Variants in SIRT4 observed in about 807,000 individuals in gnomAD.
SIRT4 encodes NAD-dependent protein lipoamidase sirtuin-4, mitochondrial.
Under a neutral mutation model 26.1 loss-of-function variants are expected in SIRT4, and 23 were observed. That is an observed-to-expected ratio of 0.88 (90% confidence interval 0.63 to 1.25). The LOEUF (loss-of-function observed/expected upper bound fraction) is 1.25, where lower values mean the gene tolerates loss of function less well. Ranked by LOEUF, SIRT4 falls within the 50% of genes most tolerant of loss-of-function variation. The pLI, the probability that SIRT4 is intolerant of heterozygous loss-of-function variation, is 0.00. For synonymous variants in SIRT4, 155 were observed against 158.4 expected (o/e 0.98, Z 0.16); for missense variants, 361 against 405.4 (o/e 0.89, Z 0.94).
the SIRT4 span, among the ~76,000 whole-genome samples, chr12:120,294,227 C>T: frequency 6.6e-6 from 1 of 151,808 alleles, no homozygotes; most frequent in Non-Finnish European, 1.5e-5. Flanking sequence ...CTCCTGACCT[C>T]ACGTGATCTG....
intron 2 of SIRT4, among the ~76,000 whole-genome samples, chr12:120,304,751 A>T: frequency 6.7e-6 from 1 of 149,566 alleles, no homozygotes; most frequent in Middle Eastern, 3.2e-3. Flanking sequence ...ACAGTTCAGG[A>T]CCAACCTGGC....
chr12:120,298,402 G>C (rs777715445), upstream of SIRT4, among the ~76,000 whole-genome samples: 1 of 151,844 alleles, frequency 6.6e-6, no homozygotes, highest in African/African-American at 2.4e-5. Context: ...AGACCAGCCT[G>C]GGCAACATGG....
chr12:120,292,952 C>G, the SIRT4 span: 1 of 152,170 alleles, frequency 6.6e-6, no homozygotes, highest in African/African-American at 2.4e-5. Context: ...GGTAAACTTG[C>G]AGGTGCTCTC....
Position 120,303,716 on chromosome 12 carries a change from C to G in SIRT4, c.155C>G (p.Thr52Ser). 1 of 1,614,140 alleles carries G rather than the reference C, an allele frequency of 6.2e-7. No individual in the cohort carries two copies. Among genetic ancestry groups the G allele is most frequent in the Non-Finnish European group, 8.5e-7 (1 of 1,180,032 alleles). The change falls in exon 2 of 4, where the codon ACC (threonine) becomes AGC (serine). Residue 52 changes from threonine to serine, a missense_variant. Transcript: ENST00000202967. ...GTCAAAGAGTTACAGCGCTTCATCA[C>G]CCTTTCCAAGAGACTCCTTGTGATG... ...EKVKELQRFI[T>S]LSKRLLVMTG...
At position 120,311,735 on chromosome 12, in the gene SIRT4, C is replaced by CAAAAAAA. The variant is rs10612543; in HGVS notation, c.498-698_498-692dup. Among the ~76,000 whole-genome samples the CAAAAAAA allele has an allele frequency of 6.0e-4, 33 of 55,108 alleles. 1 individual carries two copies. The highest frequency in any genetic ancestry group is 0.017 in the Middle Eastern group (1 of 60). 36.2% of individuals were successfully genotyped at this position (55,108 alleles called of 152,430 possible). A position where few individuals can be genotyped will look rare whatever the true frequency, so the allele number is the denominator to read the frequency against. On this transcript the variant is annotated intron_variant, in intron 2 of 3. Transcript: ENST00000202967. Reference sequence around the variant, plus strand: ...GGGCAATGAGAGTGAAACTTGCTCTCAAAAAAAAAAAAAAAAAAAAAAAAA... The same window carrying CAAAAAAA: ...GGGCAATGAGAGTGAAACTTGCTCTCAAAAAAAAAAAAAAAAAAAAAAAAAAAAAAAA...
the SIRT4 span, among the ~76,000 whole-genome samples, chr12:120,292,652 G>A: frequency 6.6e-6 from 1 of 151,192 alleles, no homozygotes; most frequent in African/African-American, 2.4e-5. Context: ...GGCAAGAAAA[G>A]TCAACACCGC....
Position 120,303,752 on chromosome 12 carries a change from G to GA in SIRT4, c.193dup (p.Ile65AsnfsTer22). On this transcript the variant is annotated frameshift_variant, in exon 2 of 4. Coordinates refer to ENST00000202967, the MANE Select transcript of SIRT4 (RefSeq NM_012240.3). LOFTEE classifies it high-confidence loss of function. The stretch of plus-strand genomic sequence containing the variant: ...AGACTCCTTGTGATGACTGGGGCAG[G>GA]AATCTCCACCGAATCGGGGATACCA... The GA allele has an allele frequency of 6.2e-7, 1 of 1,614,110 alleles. No individual in the cohort carries two copies. The highest frequency in any genetic ancestry group is 8.5e-7 in the Non-Finnish European group (1 of 1,180,024).
At chr12:120,295,554 G>A in the SIRT4 span, among the ~76,000 whole-genome samples, 51 of 150,768 alleles carry the variant, frequency 3.4e-4, no homozygotes, top group Non-Finnish European at 5.5e-4. Context: ...GAGCCACCGC[G>A]CCTGGCCCCT....
chr12:120,312,903 T>G lies in SIRT4; in HGVS notation c.812T>G (p.Phe271Cys), dbSNP rs1873048232. 2 of 1,614,074 alleles carry G rather than the reference T, an allele frequency of 1.2e-6. No homozygotes were observed. Among genetic ancestry groups the G allele is most frequent in the African/African-American group, 2.7e-5 (2 of 74,930 alleles). Reference sequence around the variant, plus strand: ...GTGCAGGTATACTCTGGTTACAGGTTTATCCTCACTGCCTGGGAGAAGAAG... The same window carrying G: ...GTGCAGGTATACTCTGGTTACAGGTGTATCCTCACTGCCTGGGAGAAGAAG... ...SSLQVYSGYR[F>C]ILTAWEKKLP... Residue 271 changes from phenylalanine (F) to cysteine (C), a missense_variant, in exon 4 of 4, where the codon TTT (phenylalanine) becomes TGT (cysteine). Phe to Cys is a radical substitution (Grantham distance 205). Coordinates refer to ENST00000202967, the MANE Select transcript of SIRT4 (RefSeq NM_012240.3).
intron 2 of SIRT4, among the ~76,000 whole-genome samples, chr12:120,308,596 T>A (rs1216204103): frequency 6.6e-6 from 1 of 152,102 alleles, no homozygotes; most frequent in Non-Finnish European, 1.5e-5. Context: ...GCCTGGCCTC[T>A]GTAGAGGTTT....
the SIRT4 span, among the ~76,000 whole-genome samples, chr12:120,293,541 A>G: frequency 1.5e-4 from 23 of 152,302 alleles, no homozygotes; most frequent in Admixed American, 2.6e-4. Context: ...TTGGCTCCAG[A>G]TTCAGTGTAA....
upstream of SIRT4, among the ~76,000 whole-genome samples, chr12:120,300,279 G>A (rs1029357064): frequency 1.3e-5 from 2 of 150,678 alleles, no homozygotes; most frequent in Non-Finnish European, 2.9e-5. Flanking sequence ...GTGACAGAAC[G>A]AGACCCTGTC....
In SIRT4 at chr12:120,303,778, G is replaced by A; in HGVS notation, c.217G>A (p.Asp73Asn). ...AGISTESGIP[D>N]YRSEKVGLYA... Reference sequence around the variant, plus strand: ...AATCTCCACCGAATCGGGGATACCAGACTACAGGTCAGAAAAAGTGGGGCT... The same window carrying A: ...AATCTCCACCGAATCGGGGATACCAAACTACAGGTCAGAAAAAGTGGGGCT... Residue 73 changes from aspartate (D) to asparagine (N), a missense_variant, in exon 2 of 4, where the codon GAC becomes AAC. Physicochemically the swap from Asp to Asn is conservative, Grantham distance 23 (BLOSUM62 1). Coordinates refer to ENST00000202967, the MANE Select transcript of SIRT4 (RefSeq NM_012240.3). The A allele has an allele frequency of 6.2e-7, 1 of 1,614,152 alleles. No homozygotes were observed. Among genetic ancestry groups the A allele is most frequent in the South Asian group, 1.1e-5 (1 of 91,076 alleles).
Position 120,312,661 on chromosome 12 carries a change from G to T in SIRT4, c.703G>T (p.Gly235Trp). ...TCTGAAACCAGATGTCGTTTTCTTC[G>T]GGGACACAGTGAACCCTGACAAGGT... ...GHLKPDVVFF[G>W]DTVNPDKVDF... Residue 235 changes from glycine (G) to tryptophan (W), a missense_variant, in exon 3 of 4, where the codon GGG (glycine) becomes TGG (tryptophan). By Grantham distance (184) the Gly-to-Trp change is radical. Coordinates refer to ENST00000202967, the MANE Select transcript of SIRT4 (RefSeq NM_012240.3). 6.2e-7 allele frequency: 1 copy of T among 1,614,070 alleles called. No homozygotes were observed. The highest frequency in any genetic ancestry group is 8.5e-7 in the Non-Finnish European group (1 of 1,180,022).
the SIRT4 span, chr12:120,291,798 C>A: frequency 1.3e-5 from 2 of 152,156 alleles, no homozygotes; most frequent in Non-Finnish European, 2.9e-5. Context: ...CCAATGCCGA[C>A]TATATTTCAA....
chr12:120,293,015 C>CT, the SIRT4 span: 8 of 150,644 alleles, frequency 5.3e-5, no homozygotes, highest in African/African-American at 2.0e-4. Flanking sequence ...AGTTTGCGAA[C>CT]AAGTACTCTT....
the SIRT4 span, among the ~76,000 whole-genome samples, chr12:120,293,739 A>G: frequency 2.6e-5 from 4 of 152,128 alleles, no homozygotes; most frequent in Non-Finnish European, 5.9e-5. Flanking sequence ...TTCATGCCCA[A>G]GGGTGGAAAC....
At chr12:120,293,162 G>A in the SIRT4 span, 1 of 152,130 alleles carries the variant, frequency 6.6e-6, no homozygotes, top group Admixed American at 6.6e-5. Context: ...GCGGGGTATT[G>A]GGAAAAGTTT....
the SIRT4 span, among the ~76,000 whole-genome samples, chr12:120,293,873 C>T: frequency 6.6e-6 from 1 of 151,876 alleles, no homozygotes; most frequent in Non-Finnish European, 1.5e-5. Flanking sequence ...TAAATGGAAT[C>T]ATACAATATT....
Sources: gnomAD v4.1 joint callset for allele counts (sites outside exome capture counted in the v4.1 genomes callset) on GRCh38, gnomAD v4.1.1 for gene constraint, MANE v1.5 for transcripts, NCBI Gene and HGNC (gene_info 2026-07-23, HGNC 2026-07-21) for gene names.